GGA2: variants seen among roughly 807,000 people sequenced by gnomAD.
GGA2 encodes the protein golgi associated, gamma adaptin ear containing, ARF binding protein 2.
GGA2 carries 48 observed loss-of-function variants against 79.5 expected under a neutral mutation model. That is an observed-to-expected ratio of 0.60 (90% confidence interval 0.48 to 0.77). GGA2 has a LOEUF of 0.77. Ranked by LOEUF, GGA2 falls within the 30% of genes least tolerant of loss-of-function variation. GGA2 has a pLI of 0.00. For missense variants in GGA2, 770 were observed against 774.0 expected (o/e 0.99, Z 0.06); for synonymous variants, 317 against 302.0 (o/e 1.05, Z -0.51).
intron 1 of GGA2, chr16:23,501,391 G>A (rs1239439364): frequency 4.5e-6 from 2 of 448,774 alleles, no homozygotes; most frequent in Admixed American, 5.0e-5. Flanking sequence ...TTGCAGTTGA[G>A]AACATGAGCA....
At position 23,495,747 on chromosome 16, in the gene GGA2, C is replaced by G; in HGVS notation, c.123G>C (p.Gln41His). ...AGAAATTCTGGATAGCTGACCAATC[C>G]TGTTCCGACATGCTTGGGTCTGTGG... ...NKATDPSMSE[Q>H]DWSAIQNFCE... Residue 41 changes from glutamine (Q) to histidine (H), a missense_variant, in exon 2 of 17, where the codon CAG (glutamine) becomes CAC (histidine). Transcript: ENST00000309859. 1 of 1,612,508 alleles carries G rather than the reference C, an allele frequency of 6.2e-7. No individual in the cohort carries two copies. The highest frequency in any genetic ancestry group is 8.5e-7 in the Non-Finnish European group (1 of 1,178,568).
chr16:23,495,087 AAAAAGAAAAG>A (rs57841058), intron 2 of GGA2, among the ~76,000 whole-genome samples: 14 of 146,902 alleles, frequency 9.5e-5, no homozygotes, highest in Admixed American at 3.4e-4. Context: ...GGAAAAAAAA[AAAAAGAAAAG>A]AAAAGAAAAC....
At chr16:23,517,006 C>T (rs534563425) in intron 2 of GGA2, among the ~76,000 whole-genome samples, 14 of 152,300 alleles carry the variant, frequency 9.2e-5, no homozygotes, top group Admixed American at 2.6e-4. Context: ...TGTCACCACA[C>T]GTGTAATTAA....
At chr16:23,513,055 G>A (rs139127501), upstream of GGA2, among the ~76,000 whole-genome samples, 56 of 152,142 alleles carry the variant, frequency 3.7e-4, no homozygotes, top group African/African-American at 1.3e-3. Flanking sequence ...TGAACATCTG[G>A]CAACACTGGA....
chr16:23,515,449 T>C (rs1445366985), upstream of GGA2, among the ~76,000 whole-genome samples: 2 of 151,040 alleles, frequency 1.3e-5, no homozygotes, highest in South Asian at 4.2e-4. Context: ...ATACAAAAAT[T>C]AGCTGGGCAT....
At chr16:23,510,556 C>T (rs1596998860), upstream of GGA2, 1 of 389,720 alleles carries the variant, frequency 2.6e-6, no homozygotes, top group Non-Finnish European at 4.5e-6. Flanking sequence ...ACCCCAGGCC[C>T]CCCCTCCACG....
chr16:23,493,975 C>T, intron 3 of GGA2: 2 of 372,230 alleles, frequency 5.4e-6, no homozygotes, highest in Non-Finnish European at 5.0e-6. Flanking sequence ...TACCTGCCAA[C>T]AGCTAGTGGG....
intron 1 of GGA2, among the ~76,000 whole-genome samples, chr16:23,508,063 CT>C (rs397855668): frequency 0.015 from 2,127 of 138,366 alleles, 51 homozygotes; most frequent in African/African-American, 0.047. Flanking sequence ...ACTCCGGCTA[CT>C]TTTTTTTTTT....
chr16:23,509,508 C>T (rs1330567921), intron 1 of GGA2, among the ~76,000 whole-genome samples: 1 of 152,106 alleles, frequency 6.6e-6, no homozygotes, highest in Admixed American at 6.6e-5. Context: ...TTTTGGTGAG[C>T]AAGGACCCTG....
In GGA2 at chr16:23,468,937, C is replaced by G. The variant is rs766104456; in HGVS notation, c.1680G>C (p.Leu560Phe). Residue 560 changes from leucine (L) to phenylalanine (F), a missense_variant, in exon 16 of 17, where the codon TTG becomes TTC. Leu to Phe is a conservative substitution (Grantham distance 22). Coordinates refer to ENST00000309859, the MANE Select transcript of GGA2 (RefSeq NM_015044.4). ...TCTGAGATATCACAGCTGGAGGCAT[C>G]AAAGGACTGAATGCAGGAAGCTTGG... ...SSSKLPAFSP[L>F]MPPAVISQML... 3 of 1,612,350 alleles carry G rather than the reference C, an allele frequency of 1.9e-6. No homozygotes were observed. The highest frequency in any genetic ancestry group is 1.7e-6 in the Non-Finnish European group (2 of 1,178,440).
At position 23,478,414 on chromosome 16, in the gene GGA2, T is replaced by C; in HGVS notation, c.1246A>G (p.Arg416Gly). 1 of 1,610,994 alleles carries C rather than the reference T, an allele frequency of 6.2e-7. No individual in the cohort carries two copies. Among genetic ancestry groups the C allele is most frequent in the South Asian group, 1.1e-5 (1 of 90,748 alleles). ...GCTGAGAGGAGGTCCAGCAAATTCCTGTCTGCAGAAGGGTTCTGAACACCA... is the reference window on the plus strand; with the variant it reads ...GCTGAGAGGAGGTCCAGCAAATTCCCGTCTGCAGAAGGGTTCTGAACACCA... ...GGGVQNPSAD[R>G]NLLDLLSAQP... Residue 416 changes from arginine (R) to glycine (G), a missense_variant, in exon 13 of 17, where the codon AGG becomes GGG. Transcript: ENST00000309859.
chr16:23,498,047 A>G (rs1259613204), intron 1 of GGA2, among the ~76,000 whole-genome samples: 2 of 152,112 alleles, frequency 1.3e-5, no homozygotes, highest in Non-Finnish European at 2.9e-5. Context: ...TGGGAGGCCG[A>G]GGAGGGTGGA....
chr16:23,476,172 T>C (rs1964574903), intron 13 of GGA2, among the ~76,000 whole-genome samples: 1 of 152,092 alleles, frequency 6.6e-6, no homozygotes, highest in Non-Finnish European at 1.5e-5. Context: ...GGACACAAAC[T>C]GAAAACATTT....
At chr16:23,496,302 CAAAAAAAA>C (rs754859869) in intron 1 of GGA2, among the ~76,000 whole-genome samples, 3 of 35,866 alleles carry the variant, frequency 8.4e-5, no homozygotes, top group Non-Finnish European at 1.8e-4. Context: ...GACTCTGTCT[CAAAAAAAA>C]AAAAAAAAAA....
Position 23,479,781 on chromosome 16 carries a change from C to T in GGA2, c.1113G>A (p.Gln371=), listed in dbSNP as rs199872843. 8.3e-5 allele frequency: 134 copies of T among 1,614,002 alleles called. No homozygotes were observed. Among genetic ancestry groups the T allele is most frequent in the Non-Finnish European group, 1.1e-4 (128 of 1,180,010 alleles). ...TGCCCTCACCCAAGGCTGCCAGGTC[C>T]TGATGAAGCAAAGATGGCACCACAG... The part of the protein sequence containing the change: ...MGTVVPSLLH[Q]DLAALGISDA... Residue 371 remains glutamine, a synonymous_variant, in exon 11 of 17, where the codon CAG becomes CAA. Transcript: ENST00000309859.
At chr16:23,499,527 C>T (rs1964896659) in intron 1 of GGA2, among the ~76,000 whole-genome samples, 1 of 152,168 alleles carries the variant, frequency 6.6e-6, no homozygotes, top group Non-Finnish European at 1.5e-5. Context: ...AGCAGCAATA[C>T]AATCCACAAA....
chr16:23,476,996 G>C (rs1964583632), intron 13 of GGA2, among the ~76,000 whole-genome samples: 1 of 152,312 alleles, frequency 6.6e-6, no homozygotes, highest in South Asian at 2.1e-4. Flanking sequence ...CTGCTGCCCA[G>C]GCTGGAATGC....
chr16:23,493,326 G>T lies in GGA2; in HGVS notation c.351+34C>A. On this transcript the variant is annotated intron_variant, in intron 4 of 16. Transcript: ENST00000309859. ...GGAGTTTGACAGTGGGCGTAGGTGCGACACAGTCAGCAGAGCCAAGCCCAG... is the reference window on the plus strand; with the variant it reads ...GGAGTTTGACAGTGGGCGTAGGTGCTACACAGTCAGCAGAGCCAAGCCCAG... The T allele has an allele frequency of 3.2e-6, 4 of 1,257,106 alleles. No individual in the cohort carries two copies. In the South Asian group the frequency reaches 4.8e-5, roughly 15 times the overall value. The allele number at this position is 1,257,106 out of a possible 1,614,324, so 77.9% of individuals were successfully genotyped here.
chr16:23,475,073 T>C lies in GGA2; in HGVS notation c.1293-12A>G. 6.5e-7 allele frequency: 1 copy of C among 1,539,812 alleles called. No individual in the cohort carries two copies. Among genetic ancestry groups the C allele is most frequent in the Non-Finnish European group, 8.8e-7 (1 of 1,141,012 alleles). On this transcript the variant is annotated splice_polypyrimidine_tract_variant and intron_variant, in intron 13 of 16. Transcript: ENST00000309859. ...GCGAAACATAATTCCTACAAAGAAA[T>C]AAAAAATATCAAAGACTAGCAAAAA...
Sources: gnomAD v4.1 joint callset for allele counts (sites outside exome capture counted in the v4.1 genomes callset) on GRCh38, gnomAD v4.1.1 for gene constraint, MANE v1.5 for transcripts, NCBI Gene and HGNC (gene_info 2026-07-23, HGNC 2026-07-21) for gene names.